PTPRS: variants seen among roughly 807,000 people sequenced by gnomAD.
PTPRS encodes the protein receptor-type tyrosine-protein phosphatase S.
Under a neutral mutation model 215.3 loss-of-function variants are expected in PTPRS, and 63 were observed. That is an observed-to-expected ratio of 0.29 (90% CI 0.24 to 0.36). The LOEUF (loss-of-function observed/expected upper bound fraction) is 0.36. Ranked by LOEUF, PTPRS falls within the 10% of genes least tolerant of loss-of-function variation. PTPRS has a pLI of 1.00. For missense variants in PTPRS, 2,258 were observed against 2,825.8 expected (o/e 0.80, Z 4.56); for synonymous variants, 1,404 against 1,191.4 (o/e 1.18, Z -3.68).
At chr19:5,273,381 G>A (rs1217634808) in intron 4 of PTPRS, 61 bp downstream of exon 4, 1 of 1,610,638 alleles carries the variant, frequency 6.2e-7, no homozygotes, top group Non-Finnish European at 8.5e-7. Flanking sequence ...TATTCCTTTT[G>A]TGCTTGTCCC....
chr19:5,278,183 C>CAAAAA, intron 2 of PTPRS: 1 of 126,220 alleles, frequency 7.9e-6, no homozygotes, highest in South Asian at 1.9e-4. Flanking sequence ...TAGAAACTGC[C>CAAAAA]AAAAAAAAAA....
At chr19:5,239,563 C>T (rs762061570) in intron 12 of PTPRS, among the ~76,000 whole-genome samples, 6 of 148,992 alleles carry the variant, frequency 4.0e-5, no homozygotes, top group Non-Finnish European at 8.9e-5. Flanking sequence ...CAGAGATAGA[C>T]ACACAGAGAC....
At position 5,229,623 on chromosome 19, in the gene PTPRS, C is replaced by T; in HGVS notation, c.2217G>A (p.Val739=). 7.2e-7 allele frequency: 1 copy of T among 1,394,482 alleles called. No homozygotes were observed. Among genetic ancestry groups the T allele is most frequent in the Non-Finnish European group, 9.3e-7 (1 of 1,076,690 alleles). 86.4% of individuals were successfully genotyped at this position (1,394,482 alleles called of 1,614,324 possible). Reference sequence around the variant, plus strand: ...GGCCGGGCGCGGGCGAGCGCCACAGCACGCGGATGGCCGTGGCGTTGAGCG... The same window carrying T: ...GGCCGGGCGCGGGCGAGCGCCACAGTACGCGGATGGCCGTGGCGTTGAGCG... ...AEALNATAIR[V]LWRSPAPGRQ... The change falls in exon 15 of 38, where the codon GTG becomes GTA. Residue 739 remains valine, a synonymous_variant. Coordinates refer to ENST00000262963, the MANE Select transcript of PTPRS (RefSeq NM_002850.4).
intron 1 of PTPRS, among the ~76,000 whole-genome samples, chr19:5,319,342 T>C (rs2147204741): frequency 6.6e-6 from 1 of 150,804 alleles, no homozygotes; most frequent in East Asian, 2.0e-4. Flanking sequence ...GCCCAGGAGG[T>C]GGAGGTTGCA....
chr19:5,283,525 C>T (rs564568824), intron 2 of PTPRS, among the ~76,000 whole-genome samples: 3 of 151,874 alleles, frequency 2.0e-5, no homozygotes, highest in East Asian at 3.9e-4. Flanking sequence ...TGCAGTGAGC[C>T]GAGATCGCAC....
intron 1 of PTPRS, among the ~76,000 whole-genome samples, chr19:5,313,571 G>T (rs967262256): frequency 6.6e-6 from 1 of 152,160 alleles, no homozygotes; most frequent in South Asian, 2.1e-4. Context: ...GAGTCAACGG[G>T]GACCTCCCTA....
At position 5,237,561 on chromosome 19, in the gene PTPRS, C is replaced by T. The variant is rs890980789; in HGVS notation, c.1849+1358G>A. On this transcript the variant is annotated intron_variant, in intron 13 of 37. Coordinates refer to ENST00000262963, the MANE Select transcript of PTPRS (RefSeq NM_002850.4). The surrounding 1 kb of genome is among the most constrained non-coding windows in gnomAD (Gnocchi z 4.2). ...TGGGCAGCGTGGCATGGTGGTGGCA[C>T]GTGGTTTGGGAGAGTTTCTGGGGCC... Among the ~76,000 whole-genome samples, 4 of 152,134 alleles carry T rather than the reference C, an allele frequency of 2.6e-5. No homozygotes were observed. Among genetic ancestry groups the T allele is most frequent in the Non-Finnish European group, 4.4e-5 (3 of 68,018 alleles).
Position 5,207,983 on chromosome 19 carries a change from A to G in PTPRS, c.5717T>C (p.Val1906Ala), listed in dbSNP as rs1254586251. 6.2e-7 allele frequency: 1 copy of G among 1,614,088 alleles called. No homozygotes were observed. Among genetic ancestry groups the G allele is most frequent in the Non-Finnish European group, 8.5e-7 (1 of 1,180,032 alleles). The change falls in exon 37 of 38, where the codon GTG (valine) becomes GCG (alanine). Residue 1906 changes from valine to alanine, a missense_variant. This residue lies in a region of PTPRS where 89 missense variants were observed against 104.0 expected (regional missense o/e 0.86). Transcript: ENST00000262963. ...CATCTTCACCGTCTGAAAGATGTCC[A>G]CCACGCCTTCATACCGCATCCGCTC... ...VLERMRYEGVVDIFQTVKMLR... is the reference protein window; with the variant it reads ...VLERMRYEGVADIFQTVKMLR...
At position 5,220,061 on chromosome 19, in the gene PTPRS, C is replaced by G. The variant is rs774159488; in HGVS notation, c.3643G>C (p.Val1215Leu). ...CCGGGATGGAACGTGGGTGGCAGCA[C>G]AGAGAAGCGAGCTGCAATATAGGGC... is the stretch of plus-strand genomic sequence containing the variant. ...PRPYIAARFS[V>L]LPPTFHPGDQ... is the part of the protein sequence containing the mutation. The change falls in exon 22 of 38, where the codon GTG (valine) becomes CTG (leucine). Residue 1215 changes from valine (V) to leucine (L), a missense_variant. This residue lies in a region of PTPRS where 927 missense variants were observed against 1,125.9 expected (regional missense o/e 0.82). Coordinates refer to ENST00000262963, the MANE Select transcript of PTPRS (RefSeq NM_002850.4). 8.1e-6 allele frequency: 13 copies of G among 1,614,058 alleles called. No homozygotes were observed. Among genetic ancestry groups the G allele is most frequent in the Non-Finnish European group, 1.1e-5 (13 of 1,180,048 alleles).
intron 19 of PTPRS, 126 bp downstream of exon 19, chr19:5,221,997 T>G: frequency 4.0e-6 from 3 of 747,586 alleles, no homozygotes; most frequent in Non-Finnish European, 4.7e-6. Flanking sequence ...CAATCCTAGC[T>G]GAGACCCATC....
chr19:5,267,965 C>T (rs1363269283), intron 4 of PTPRS, among the ~76,000 whole-genome samples: 2 of 151,854 alleles, frequency 1.3e-5, no homozygotes, highest in African/African-American at 2.4e-5. Context: ...GTCAGGAGAT[C>T]GAGACCATCC....
In PTPRS at chr19:5,293,248, T is replaced by C. The variant is rs575032653; in HGVS notation, c.-94-7014A>G. The C allele has an allele frequency of 8.9e-5, 13 of 146,078 alleles. No individual in the cohort carries two copies. The highest frequency in any genetic ancestry group is 3.3e-4 in the African/African-American group (13 of 39,632). The allele number at this position is 146,078 out of a possible 1,614,324, so 9.0% of individuals were successfully genotyped here. ...CCGGAGCGCGGCGCGCAGCGAAGAC[T>C]CGGGAGAGGCCTCGGCCTGGGGAGC... is the stretch of plus-strand genomic sequence containing the variant. On this transcript the variant is annotated intron_variant, in intron 1 of 37. Transcript: ENST00000262963. This position sits in a 1 kb window ranked among gnomAD's most constrained non-coding sequence, Gnocchi z 8.4.
intron 1 of PTPRS, among the ~76,000 whole-genome samples, chr19:5,305,934 C>T (rs1421227436): frequency 8.7e-4 from 22 of 25,216 alleles, no homozygotes; most frequent in South Asian, 1.3e-3. Flanking sequence ...AGCAAGACTC[C>T]GTCTCAAAAA....
intron 4 of PTPRS, among the ~76,000 whole-genome samples, chr19:5,267,428 A>G (rs1213055684): frequency 6.6e-6 from 1 of 152,140 alleles, no homozygotes; most frequent in Non-Finnish European, 1.5e-5. Flanking sequence ...AGGACGAAGC[A>G]GGTGGATCAC....
intron 1 of PTPRS, among the ~76,000 whole-genome samples, chr19:5,291,380 G>A (rs543654132): frequency 5.3e-5 from 8 of 152,216 alleles, no homozygotes; most frequent in Admixed American, 3.3e-4. Context: ...GCCAGAGCCC[G>A]GCTCTCAGTC....
At chr19:5,331,875 G>A (rs763420252) in intron 1 of PTPRS, among the ~76,000 whole-genome samples, 3 of 152,146 alleles carry the variant, frequency 2.0e-5, no homozygotes, top group African/African-American at 4.8e-5. Context: ...TATCGAGCGC[G>A]GACGCTGGCC....
At chr19:5,327,532 G>C (rs2050202460) in intron 1 of PTPRS, among the ~76,000 whole-genome samples, 1 of 152,052 alleles carries the variant, frequency 6.6e-6, no homozygotes, top group African/African-American at 2.4e-5. Flanking sequence ...CCCATTCCTG[G>C]TGAGCTCCTC....
At chr19:5,268,519 G>A (rs1037816707) in intron 4 of PTPRS, among the ~76,000 whole-genome samples, 3 of 151,996 alleles carry the variant, frequency 2.0e-5, no homozygotes, top group African/African-American at 4.8e-5. Flanking sequence ...AGCAGCAGGA[G>A]GGCAGGAGGC....
At chr19:5,309,160 G>T (rs772504194) in intron 1 of PTPRS, among the ~76,000 whole-genome samples, 3 of 151,844 alleles carry the variant, frequency 2.0e-5, no homozygotes, top group Non-Finnish European at 4.4e-5. Context: ...GAGGAAGGGG[G>T]GGTTGGCTGG....
Sources: gnomAD v4.1 joint callset for allele counts (sites outside exome capture counted in the v4.1 genomes callset) on GRCh38, gnomAD v4.1.1 for gene constraint, gnomAD v4.1.1 regional missense constraint, Gnocchi (gnomAD v3.1) non-coding constraint, MANE v1.5 for transcripts, NCBI Gene and HGNC (gene_info 2026-07-23, HGNC 2026-07-21) for gene names.